The following PVT1 variants were observed in gnomAD, a reference collection of about 807,000 sequenced individuals.
PVT1 encodes the protein Pvt1 oncogene.
intron 3 of PVT1, among the ~76,000 whole-genome samples, chr8:127,926,897 CT>C (rs1345985380): frequency 6.6e-6 from 1 of 152,204 alleles, no homozygotes; most frequent in East Asian, 1.9e-4. Flanking sequence ...ATTTCCAAGT[CT>C]TTTCAGGCTA....
intron 4 of PVT1, among the ~76,000 whole-genome samples, chr8:128,013,557 C>T (rs543287247): frequency 3.6e-4 from 55 of 152,252 alleles, no homozygotes; most frequent in Admixed American, 2.0e-3. Context: ...ACAAGAGAGA[C>T]ACAATCTCTG....
At chr8:128,057,688 C>A (rs1050501538) in intron 4 of PVT1, among the ~76,000 whole-genome samples, 3 of 152,214 alleles carry the variant, frequency 2.0e-5, no homozygotes, top group South Asian at 2.1e-4. Flanking sequence ...TTCCTCCCTG[C>A]ATTTTGACAT....
At chr8:127,839,207 G>A (rs1703518027) in intron 2 of PVT1, among the ~76,000 whole-genome samples, 1 of 152,156 alleles carries the variant, frequency 6.6e-6, no homozygotes. Flanking sequence ...TACAGATGAA[G>A]GAGCTGTGGC....
At chr8:127,855,083 G>A (rs1353678328) in intron 2 of PVT1, 7 of 398,262 alleles carry the variant, frequency 1.8e-5, no homozygotes, top group South Asian at 1.3e-4. Flanking sequence ...TAAACTACCC[G>A]ATTCAAGTTA....
chr8:128,095,648 G>A (rs1255137915), intron 5 of PVT1, among the ~76,000 whole-genome samples: 1 of 152,212 alleles, frequency 6.6e-6, no homozygotes, highest in Non-Finnish European at 1.5e-5. Flanking sequence ...AGACAGACCT[G>A]TGCCCTGCCG....
intron 4 of PVT1, among the ~76,000 whole-genome samples, chr8:128,066,914 G>T (rs1183645435): frequency 6.6e-6 from 1 of 152,068 alleles, no homozygotes; most frequent in Non-Finnish European, 1.5e-5. Context: ...TCCCTCAGGG[G>T]ACTTCTTGCT....
chr8:127,953,065 G>A (rs370669845), intron 3 of PVT1, among the ~76,000 whole-genome samples: 10 of 152,210 alleles, frequency 6.6e-5, no homozygotes, highest in East Asian at 1.9e-4. Context: ...CGTCCGGCCC[G>A]TGCCTGCATT....
intron 3 of PVT1, among the ~76,000 whole-genome samples, chr8:127,921,854 G>GTTTT (rs71300279): frequency 0.033 from 2,366 of 71,930 alleles, 316 homozygotes; most frequent in Non-Finnish European, 0.042. Context: ...TTTGGTTCAT[G>GTTTT]TTTTTTTTTT....
intron 2 of PVT1, among the ~76,000 whole-genome samples, chr8:127,879,774 T>C (rs1815444747): frequency 6.6e-6 from 1 of 152,228 alleles, no homozygotes; most frequent in African/African-American, 2.4e-5. Context: ...TTACATGCTC[T>C]TCTGGGCTTC....
At chr8:127,854,000 C>T (rs1480585070) in intron 2 of PVT1, among the ~76,000 whole-genome samples, 1 of 152,306 alleles carries the variant, frequency 6.6e-6, no homozygotes, top group East Asian at 1.9e-4. Context: ...TCCTCTGCCC[C>T]CAGCCCCACG....
rs560909654 is a variant in PVT1, at chr8:127,998,951, T to C, written n.912+9660T>C. ...TCTTGTATATTTCCAGCCCCAGTTA[T>C]AGAATCAGCCATTTCTTCAAGGATC... On this transcript the variant is annotated intron_variant and non_coding_transcript_variant, in intron 4 of 10. Coordinates refer to ENST00000651587, the Ensembl canonical transcript of PVT1. Among the ~76,000 whole-genome samples, 10 of 152,108 alleles carry C rather than the reference T, an allele frequency of 6.6e-5. 1 individual carries two copies. The highest frequency in any genetic ancestry group is 1.9e-4 in the African/African-American group (8 of 41,530).
intron 2 of PVT1, among the ~76,000 whole-genome samples, chr8:127,885,532 A>C (rs1209533748): frequency 1.3e-5 from 2 of 152,166 alleles, no homozygotes; most frequent in Admixed American, 6.5e-5. Context: ...GGATCAAATA[A>C]GGTATTTTAT....
At chr8:127,851,533 C>A (rs1815107126) in intron 2 of PVT1, among the ~76,000 whole-genome samples, 1 of 152,174 alleles carries the variant, frequency 6.6e-6, no homozygotes, top group East Asian at 1.9e-4. Context: ...AGCCTAGCAC[C>A]AATTGGTCTG....
intron 4 of PVT1, among the ~76,000 whole-genome samples, chr8:128,036,310 G>T (rs1452244748): frequency 6.6e-6 from 1 of 152,216 alleles, no homozygotes; most frequent in South Asian, 2.1e-4. Context: ...GCTGTGAAAT[G>T]CACTTGAAGA....
chr8:127,826,567 T>C (rs1814790734), intron 2 of PVT1, among the ~76,000 whole-genome samples: 1 of 152,152 alleles, frequency 6.6e-6, no homozygotes, highest in African/African-American at 2.4e-5. Context: ...ATTTTGGAAT[T>C]TCATAACTGT....
At chr8:127,900,282 C>G (rs1293503889) in intron 3 of PVT1, among the ~76,000 whole-genome samples, 1 of 151,972 alleles carries the variant, frequency 6.6e-6, no homozygotes, top group Non-Finnish European at 1.5e-5. Flanking sequence ...ACCTCATGAT[C>G]CCCCCACCTC....
chr8:128,005,269 G>T (rs942646855), intron 4 of PVT1, among the ~76,000 whole-genome samples: 8 of 152,238 alleles, frequency 5.3e-5, no homozygotes, highest in African/African-American at 1.7e-4. Context: ...TGTTTTTGAA[G>T]CTCATCAGCT....
intron 3 of PVT1, among the ~76,000 whole-genome samples, chr8:127,987,873 AG>A (rs1183328771): frequency 6.6e-6 from 1 of 152,234 alleles, no homozygotes; most frequent in East Asian, 1.9e-4. Flanking sequence ...GGGAGCCCAG[AG>A]GCGCTGAGGA....
chr8:127,989,635 A>G (rs1817008752), intron 4 of PVT1, among the ~76,000 whole-genome samples: 1 of 152,102 alleles, frequency 6.6e-6, no homozygotes, highest in South Asian at 2.1e-4. Context: ...GGAAAAGGTG[A>G]GGTGAGGGTT....
Sources: allele counts gnomAD v4.1 joint callset (sites outside exome capture counted in the v4.1 genomes callset), GRCh38; gene constraint gnomAD v4.1.1; transcripts MANE v1.5; gene names NCBI Gene and HGNC (gene_info 2026-07-23, HGNC 2026-07-21).